Variants in ASCC2 observed in about 807,000 individuals in gnomAD.
The protein encoded by ASCC2 is activating signal cointegrator 1 complex subunit 2.
A neutral mutation model predicts 93.5 loss-of-function variants in ASCC2; 42 were observed. The observed-to-expected ratio is 0.45, with a 90% CI of 0.35 to 0.58. ASCC2 has a LOEUF of 0.58. Among genes scored for constraint, ASCC2 ranks in the 20% least tolerant of loss-of-function variants. The pLI, the probability that ASCC2 is intolerant of heterozygous loss-of-function variation, is 0.00. For synonymous variants in ASCC2, 364 were observed against 384.2 expected (o/e 0.95, Z 0.62); for missense variants, 859 against 977.6 (o/e 0.88, Z 1.62).
intron 5 of ASCC2, among the ~76,000 whole-genome samples, chr22:29,817,224 T>C (rs1268552103): frequency 1.3e-5 from 2 of 152,076 alleles, no homozygotes; most frequent in East Asian, 3.9e-4. Flanking sequence ...CCATAACCTG[T>C]GAAGGTGTGC....
chr22:29,809,105 G>C (rs1022313475), intron 8 of ASCC2, among the ~76,000 whole-genome samples: 1 of 138,346 alleles, frequency 7.2e-6, no homozygotes, highest in Non-Finnish European at 1.5e-5. Flanking sequence ...CTGGGCAACA[G>C]AGTGAGACTC....
chr22:29,828,873 G>T (rs1433514466), intron 2 of ASCC2, among the ~76,000 whole-genome samples: 2 of 152,160 alleles, frequency 1.3e-5, no homozygotes, highest in Non-Finnish European at 2.9e-5. Flanking sequence ...CATATTTTAC[G>T]TTTTAATTTT....
chr22:29,822,689 C>A, intron 4 of ASCC2, among the ~76,000 whole-genome samples: 1 of 135,016 alleles, frequency 7.4e-6, no homozygotes, highest in South Asian at 2.5e-4. Context: ...ATCCCCATGA[C>A]TTTTACAACT....
intron 1 of ASCC2, 49 bp from the exon 2 acceptor site, chr22:29,832,391 G>A (rs1377746919): frequency 6.9e-7 from 1 of 1,446,924 alleles, no homozygotes; most frequent in African/African-American, 1.4e-5. Context: ...CAGACTCCTG[G>A]GGGCAGGGCC....
At chr22:29,827,634 G>A (rs1370866596) in intron 2 of ASCC2, 1 of 470,140 alleles carries the variant, frequency 2.1e-6, no homozygotes, top group African/African-American at 2.0e-5. Context: ...GCTGAAACAA[G>A]TTCAAAACAA....
intron 8 of ASCC2, among the ~76,000 whole-genome samples, chr22:29,811,504 ATT>A (rs2060276635): frequency 6.6e-6 from 1 of 152,216 alleles, no homozygotes. Context: ...TTTGAGAGGG[ATT>A]ATCAACAAAG....
chr22:29,825,936 A>T lies in ASCC2; in HGVS notation c.82-156T>A. The T allele has an allele frequency of 1.3e-6, 1 of 783,870 alleles. No homozygotes were observed. The highest frequency in any genetic ancestry group is 3.0e-5 in the Admixed American group (1 of 33,696). The allele number at this position is 783,870 out of a possible 1,614,324, so 48.6% of individuals were successfully genotyped here. A position where few individuals can be genotyped will look rare whatever the true frequency, so the allele number is the denominator to read the frequency against. On this transcript the variant is annotated intron_variant, in intron 2 of 19. Transcript: ENST00000307790. The surrounding 1 kb of genome is among the most constrained non-coding windows in gnomAD (Gnocchi z 4.9). ...ACCAAGTGTATCTAACAAAGAGGGC[A>T]TGGTTGCATTCAGCGAACACTAGGC... is the stretch of plus-strand genomic sequence containing the variant.
intron 7 of ASCC2, among the ~76,000 whole-genome samples, chr22:29,814,010 G>A (rs2060563793): frequency 6.6e-6 from 1 of 152,166 alleles, no homozygotes; most frequent in African/African-American, 2.4e-5. Context: ...AGTAGGCTGG[G>A]AAGCTATTGA....
intron 2 of ASCC2, among the ~76,000 whole-genome samples, chr22:29,826,894 G>T (rs1191665747): frequency 6.6e-6 from 1 of 151,696 alleles, no homozygotes. Context: ...TCAGGAGATC[G>T]AGACCATCCT....
chr22:29,832,373 C>A, intron 1 of ASCC2, 31 bp from the exon 2 acceptor site: 1 of 1,518,568 alleles, frequency 6.6e-7, no homozygotes, highest in Non-Finnish European at 9.1e-7. Flanking sequence ...AAGAAGAGAG[C>A]AGACACACAG....
chr22:29,837,241 T>C (rs2063919750), intron 1 of ASCC2, among the ~76,000 whole-genome samples: 1 of 148,146 alleles, frequency 6.8e-6, no homozygotes, highest in Admixed American at 6.8e-5. Context: ...CCATCCTGGC[T>C]AGCAAGGTGA....
At position 29,825,298 on chromosome 22, in the gene ASCC2, G is replaced by A; in HGVS notation, c.241-41C>T. 2 of 1,501,574 alleles carry A rather than the reference G, an allele frequency of 1.3e-6. No homozygotes were observed. Among genetic ancestry groups the A allele is most frequent in the Non-Finnish European group, 1.8e-6 (2 of 1,124,486 alleles). The allele number at this position is 1,501,574 out of a possible 1,614,324, so 93.0% of individuals were successfully genotyped here. On this transcript the variant is annotated intron_variant, in intron 3 of 19. Transcript: ENST00000307790. The surrounding 1 kb of genome is among the most constrained non-coding windows in gnomAD (Gnocchi z 4.9). ...GAGGAGAGCGAGGATTTATCCCTTA[G>A]GCCCCAGGGGCTTGTGGGTGGACTG...
At chr22:29,794,396 C>G (rs5763498) in intron 15 of ASCC2, among the ~76,000 whole-genome samples, 145,693 of 151,898 alleles carry the variant, frequency 0.96, 69,955 homozygotes, top group East Asian at 1. Context: ...GGAGGCTGAG[C>G]CAGGAGAATC....
chr22:29,825,570 C>G lies in ASCC2; in HGVS notation c.240+52G>C. On this transcript the variant is annotated intron_variant, in intron 3 of 19. Transcript: ENST00000307790. This position sits in a 1 kb window ranked among gnomAD's most constrained non-coding sequence, Gnocchi z 4.9. Reference sequence around the variant, plus strand: ...GAAGAAAAACAACAACAGCAACCAACCAATGGCATGTCATGTGCTTTGTCT... The same window carrying G: ...GAAGAAAAACAACAACAGCAACCAAGCAATGGCATGTCATGTGCTTTGTCT... The G allele has an allele frequency of 6.2e-7, 1 of 1,612,672 alleles. No homozygotes were observed. The highest frequency in any genetic ancestry group is 8.5e-7 in the Non-Finnish European group (1 of 1,178,780).
chr22:29,816,904 C>A (rs969745518), intron 5 of ASCC2, among the ~76,000 whole-genome samples: 2 of 152,058 alleles, frequency 1.3e-5, no homozygotes. Flanking sequence ...GGTTCTTGGC[C>A]CCCTGTAATC....
intron 4 of ASCC2, among the ~76,000 whole-genome samples, chr22:29,823,027 TA>T (rs2061788366): frequency 1.4e-5 from 2 of 146,808 alleles, no homozygotes; most frequent in Non-Finnish European, 1.5e-5. Context: ...GCCTCCCCTT[TA>T]AAAAAAATTT....
chr22:29,824,258 A>G (rs2061994521), intron 4 of ASCC2, among the ~76,000 whole-genome samples: 1 of 53,546 alleles, frequency 1.9e-5, no homozygotes, highest in Admixed American at 1.8e-4. Context: ...AAATACACAC[A>G]CACACACACA....
chr22:29,825,181 AC>A lies in ASCC2; in HGVS notation c.316del (p.Val106TrpfsTer74). The A allele has an allele frequency of 3.2e-6, 5 of 1,562,300 alleles. No individual in the cohort carries two copies. Among genetic ancestry groups the A allele is most frequent in the Non-Finnish European group, 2.6e-6 (3 of 1,155,204 alleles). On this transcript the variant is annotated frameshift_variant, in exon 4 of 20. Coordinates refer to ENST00000307790, the MANE Select transcript of ASCC2 (RefSeq NM_032204.5). LOFTEE classifies it high-confidence loss of function. The surrounding 1 kb of genome is among the most constrained non-coding windows in gnomAD (Gnocchi z 4.9). ...RYVPRKFDEG[V>X]ASAPEVVDMQ... ...GTCAACAACCTCAGGGGCTGAGGCC[AC>A]CCCCTCGTCGAATTTGCGGGGGACA...
At chr22:29,814,938 T>G (rs1295249788) in intron 6 of ASCC2, among the ~76,000 whole-genome samples, 171 bp from the exon 7 acceptor site, 1 of 152,030 alleles carries the variant, frequency 6.6e-6, no homozygotes, top group African/African-American at 2.4e-5. Flanking sequence ...GAGGTCAGAG[T>G]AAAAACTATG....
Sources: gnomAD v4.1 joint callset for allele counts (sites outside exome capture counted in the v4.1 genomes callset) on GRCh38, gnomAD v4.1.1 for gene constraint, Gnocchi (gnomAD v3.1) non-coding constraint, MANE v1.5 for transcripts, NCBI Gene and HGNC (gene_info 2026-07-23, HGNC 2026-07-21) for gene names.